Variants in MIOS observed in about 807,000 individuals in gnomAD.
MIOS encodes the protein meiosis regulator for oocyte development, also known as GATOR2 complex protein MIOS.
MIOS carries 52 observed loss-of-function variants against 96.9 expected under a neutral mutation model. The ratio of observed to expected loss-of-function variants is 0.54; its 90% CI spans 0.43 to 0.68. MIOS has a LOEUF of 0.68. Ranked by LOEUF, MIOS falls within the 30% of genes least tolerant of loss-of-function variation. MIOS has a pLI of 0.00. For synonymous variants in MIOS, 397 were observed against 359.5 expected, an observed-to-expected ratio of 1.10 and a Z score of -1.18; for missense variants, 1,005 against 1,052.8, an observed-to-expected ratio of 0.95 and a Z score of 0.63.
rs186532970 is a variant in MIOS, at chr7:7,607,100, C to G, written c.*8C>G. 2.8e-5 allele frequency: 45 copies of G among 1,602,926 alleles called. No homozygotes were observed. The highest frequency in any genetic ancestry group is 1.2e-5 in the Non-Finnish European group (14 of 1,173,750). On this transcript the variant is annotated 3_prime_UTR_variant, in exon 13 of 13. Coordinates refer to ENST00000340080, the MANE Select transcript of MIOS (RefSeq NM_019005.4). ...GAGACTGTCCAGCCATAAAATGTTA[C>G]CACCTTAAGAGAACCCTTCAAGTGT...
chr7:7,600,699 G>A (rs1478167598), intron 11 of MIOS, among the ~76,000 whole-genome samples: 4 of 152,100 alleles, frequency 2.6e-5, no homozygotes, highest in African/African-American at 4.8e-5. Flanking sequence ...ATTGAACTCC[G>A]CTCTGCACCA....
At chr7:7,602,120 T>A (rs1344347676) in intron 11 of MIOS, among the ~76,000 whole-genome samples, 1 of 152,220 alleles carries the variant, frequency 6.6e-6, no homozygotes, top group Middle Eastern at 3.2e-3. Context: ...AATATCATAC[T>A]GAATGGACAA....
rs1563040902 is a variant in MIOS at position 7,597,490 on chromosome 7, ATATATATATATATATATATATATAT to A, written c.2401+1030_2401+1054del. Reference sequence around the variant, plus strand: ...AATTTATATATATATATATATATATATATATATATATATATATATATATATATGAAGGCAATACGTAATGTTTTAA... The same window carrying A: ...AATTTATATATATATATATATATATAATGAAGGCAATACGTAATGTTTTAA... On this transcript the variant is annotated intron_variant, in intron 11 of 12. Coordinates refer to ENST00000340080, the MANE Select transcript of MIOS (RefSeq NM_019005.4). Among the ~76,000 whole-genome samples the A allele has an allele frequency of 2.5e-3, 153 of 60,328 alleles. 16 individuals are homozygous for A. The highest frequency in any genetic ancestry group is 0.011 in the South Asian group (23 of 2,150). The allele number at this position is 60,328 out of a possible 152,430, so 39.6% of individuals were successfully genotyped here.
At chr7:7,567,221 C>G (rs6950136) in intron 1 of MIOS, 149 bp downstream of exon 1, 147,955 of 152,386 alleles carry the variant, frequency 0.97, 71,853 homozygotes, top group East Asian at 1. Context: ...CGGCCGGCCG[C>G]CTGGCCGGGC....
intron 3 of MIOS, among the ~76,000 whole-genome samples, chr7:7,568,940 C>A (rs1429014686): frequency 2.6e-5 from 4 of 152,134 alleles, no homozygotes; most frequent in Admixed American, 1.3e-4. Context: ...TCATGTAAAT[C>A]AAAGTTTTAA....
At chr7:7,581,256 G>A (rs1034536212) in intron 5 of MIOS, among the ~76,000 whole-genome samples, 6 of 150,230 alleles carry the variant, frequency 4.0e-5, no homozygotes, top group South Asian at 4.3e-4. Context: ...AGCTGAGATC[G>A]TGTGCCATTG....
At chr7:7,581,690 T>C (rs1423367714) in intron 5 of MIOS, 1 of 152,222 alleles carries the variant, frequency 6.6e-6, no homozygotes, top group Non-Finnish European at 1.5e-5. Context: ...TCTCAGCTCC[T>C]TAGAGGCTAT....
At position 7,596,306 on chromosome 7, in the gene MIOS, C is replaced by T. The variant is rs1166293842; in HGVS notation, c.2246C>T (p.Ser749Leu). ...FCGKSISYSC[S>L]AVPHQGRGFS... The stretch of plus-strand genomic sequence containing the variant: ...GGCAAGTCAATCTCCTACAGCTGTT[C>T]AGCTGTGCCTCATCAGGGCAGAGGT... The change falls in exon 11 of 13, where the codon TCA (serine) becomes TTA (leucine). Residue 749 changes from serine to leucine, a missense_variant. By Grantham distance (145) the Ser-to-Leu change is moderately radical. Around this residue, in one of 3 missense-constraint regions of MIOS, gnomAD observed 865 missense variants for 887.9 expected, o/e 0.97. Coordinates refer to ENST00000340080, the MANE Select transcript of MIOS (RefSeq NM_019005.4). 1 of 1,614,028 alleles carries T rather than the reference C, an allele frequency of 6.2e-7. No individual in the cohort carries two copies. Among genetic ancestry groups the T allele is most frequent in the Non-Finnish European group, 8.5e-7 (1 of 1,180,016 alleles).
intron 5 of MIOS, among the ~76,000 whole-genome samples, chr7:7,575,899 A>G (rs890923419): frequency 6.8e-6 from 1 of 146,078 alleles, no homozygotes; most frequent in African/African-American, 2.5e-5. Flanking sequence ...TTTGTTTGGT[A>G]TAGATATTTT....
intron 10 of MIOS, 137 bp from the exon 11 acceptor site, chr7:7,596,120 C>A (rs1784196186): frequency 2.7e-6 from 2 of 732,592 alleles, no homozygotes; most frequent in African/African-American, 3.6e-5. Context: ...GCTAGTCAAC[C>A]TTAGCAGATC....
chr7:7,577,793 T>C (rs1429453896), intron 5 of MIOS, among the ~76,000 whole-genome samples: 2 of 151,888 alleles, frequency 1.3e-5, no homozygotes, highest in Non-Finnish European at 2.9e-5. Flanking sequence ...AGGGAGGTCG[T>C]AGGAAGAGGA....
chr7:7,576,693 G>C (rs1163999145), intron 5 of MIOS, among the ~76,000 whole-genome samples: 2 of 152,138 alleles, frequency 1.3e-5, no homozygotes, highest in African/African-American at 4.8e-5. Flanking sequence ...GGAAACAGAT[G>C]GATTTGTGAC....
At chr7:7,578,883 G>T (rs923120814) in intron 5 of MIOS, among the ~76,000 whole-genome samples, 1 of 151,924 alleles carries the variant, frequency 6.6e-6, no homozygotes, top group African/African-American at 2.4e-5. Flanking sequence ...GCTAATTTTT[G>T]TATTTTTTGT....
In MIOS at chr7:7,573,540, G is replaced by A. The variant is rs1783423328; in HGVS notation, c.1065G>A (p.Arg355=). ...RTMSDFTVFE[R]ISLAWSPITS... is the part of the protein sequence containing the mutation. ...TGTCAGACTTCACTGTTTTTGAAAG[G>A]ATATCTCTTGCCTGGAGCCCAATTA... Residue 355 remains arginine, a synonymous_variant, in exon 4 of 13, where the codon AGG becomes AGA. Coordinates refer to ENST00000340080, the MANE Select transcript of MIOS (RefSeq NM_019005.4). The surrounding 1 kb of genome is among the most constrained non-coding windows in gnomAD (Gnocchi z 5.0). 1 of 1,614,112 alleles carries A rather than the reference G, an allele frequency of 6.2e-7. No homozygotes were observed. Among genetic ancestry groups the A allele is most frequent in the African/African-American group, 1.3e-5 (1 of 75,052 alleles).
At chr7:7,581,629 A>C (rs760058548) in intron 5 of MIOS, 3 of 152,106 alleles carry the variant, frequency 2.0e-5, no homozygotes, top group Non-Finnish European at 2.9e-5. Flanking sequence ...GTTCCTTGCA[A>C]CTGTGGGACT....
At chr7:7,599,686 T>A (rs1296436148) in intron 11 of MIOS, among the ~76,000 whole-genome samples, 1 of 152,088 alleles carries the variant, frequency 6.6e-6, no homozygotes, top group African/African-American at 2.4e-5. Context: ...AGTGAACTGA[T>A]AAGAAACAGT....
intron 6 of MIOS, among the ~76,000 whole-genome samples, chr7:7,584,218 A>C (rs992931345): frequency 1.5e-4 from 22 of 151,324 alleles, no homozygotes; most frequent in African/African-American, 5.2e-4. Context: ...TGTTTTGCTC[A>C]GATTGGCATC....
At chr7:7,596,824 G>A (rs1784215991) in intron 11 of MIOS, among the ~76,000 whole-genome samples, 1 of 152,120 alleles carries the variant, frequency 6.6e-6, no homozygotes, top group South Asian at 2.1e-4. Flanking sequence ...CAGATACTTT[G>A]TATTTCTAAG....
Position 7,573,064 on chromosome 7 carries a change from C to T in MIOS, c.589C>T (p.Gln197Ter). ...GTCTCTTTGTTGGCTTCCACGAGAC[C>T]AGAAACTTCTCCTTGCTGGTATGCA... ...CLSLCWLPRD[Q>*]KLLLAGMHRN... Residue 197 changes from glutamine (Q) to a stop codon, truncating the protein, a stop_gained, in exon 4 of 13, where the codon CAG becomes TAG. Transcript: ENST00000340080. LOFTEE classifies it high-confidence loss of function. The surrounding 1 kb of genome is among the most constrained non-coding windows in gnomAD (Gnocchi z 5.0). The T allele has an allele frequency of 6.2e-7, 1 of 1,613,962 alleles. No individual in the cohort carries two copies. Among genetic ancestry groups the T allele is most frequent in the Non-Finnish European group, 8.5e-7 (1 of 1,179,950 alleles).
Sources: gnomAD v4.1 joint callset for allele counts (sites outside exome capture counted in the v4.1 genomes callset) on GRCh38, gnomAD v4.1.1 for gene constraint, gnomAD v4.1.1 regional missense constraint, Gnocchi (gnomAD v3.1) non-coding constraint, MANE v1.5 for transcripts, NCBI Gene and HGNC (gene_info 2026-07-23, HGNC 2026-07-21) for gene names.